The following MEI4 variants were observed in gnomAD, a reference collection of about 807,000 sequenced individuals.
MEI4 encodes the protein meiotic double-stranded break formation protein 4.
MEI4 carries 27 observed loss-of-function variants against 31.4 expected under a neutral mutation model. That is an observed-to-expected ratio of 0.86 (90% CI 0.63 to 1.19). The LOEUF is 1.19. Among genes scored for constraint, MEI4 ranks in the 50% most tolerant of loss-of-function variants. The pLI, the probability that MEI4 is intolerant of heterozygous loss-of-function variation, is 0.00. For missense variants in MEI4, 329 were observed against 398.9 expected (o/e 0.82, Z 1.49); for synonymous variants, 122 against 145.4 (o/e 0.84, Z 1.16).
At chr6:77,922,890 A>T (rs1285028383) in intron 4 of MEI4, among the ~76,000 whole-genome samples, 199 bp from the exon 5 acceptor site, 1 of 151,756 alleles carries the variant, frequency 6.6e-6, no homozygotes, top group Non-Finnish European at 1.5e-5. Flanking sequence ...AAGAAAGAAA[A>T]GTCATTCACC....
Position 77,736,490 on chromosome 6 carries a change from G to A in MEI4, c.233-24640G>A, listed in dbSNP as rs564188468. Among the ~76,000 whole-genome samples the A allele has an allele frequency of 1.4e-4, 22 of 152,122 alleles. 1 individual carries two copies. The East Asian group carries it at 3.7e-3, about 26-fold the overall frequency. On this transcript the variant is annotated intron_variant, in intron 2 of 4. Transcript: ENST00000684080. ...GTGAGGCAATGCCTCGCCCTGCTTC[G>A]GCTTGCGAACGGTGCGCGCACACAC...
chr6:77,890,536 T>C (rs1771735063), intron 4 of MEI4, among the ~76,000 whole-genome samples: 1 of 152,194 alleles, frequency 6.6e-6, no homozygotes, highest in African/African-American at 2.4e-5. Context: ...GTGACTTGCC[T>C]TGTCTCAGAT....
chr6:77,816,389 G>T (rs57849304), intron 3 of MEI4, among the ~76,000 whole-genome samples: 2,636 of 152,210 alleles, frequency 0.017, 81 homozygotes, highest in African/African-American at 0.06. Flanking sequence ...TTAAAAAGTT[G>T]ATCAAGTTAA....
rs1562001541 is a variant in MEI4 at position 77,820,164 on chromosome 6, TTAAAA to T, written c.769-8762_769-8758del. Among the ~76,000 whole-genome samples, 1 of 152,272 alleles carries T rather than the reference TTAAAA, an allele frequency of 6.6e-6. No homozygotes were observed. Among genetic ancestry groups the T allele is most frequent in the South Asian group, 2.1e-4 (1 of 4,826 alleles). On this transcript the variant is annotated intron_variant, in intron 3 of 4. Transcript: ENST00000684080. The surrounding 1 kb of genome is among the most constrained non-coding windows in gnomAD (Gnocchi z 4.5). ...ATATAAAAGTAAGTATTTTAAAACT[TTAAAA>T]TAAATAGACATAAGAAAAGGGAAAC... is the stretch of plus-strand genomic sequence containing the variant.
intron 4 of MEI4, among the ~76,000 whole-genome samples, chr6:77,918,547 A>C (rs1439960312): frequency 6.8e-6 from 1 of 146,866 alleles, no homozygotes; most frequent in African/African-American, 2.5e-5. Flanking sequence ...ATGGGAGTTC[A>C]CTCATGATTT....
intron 4 of MEI4, among the ~76,000 whole-genome samples, chr6:77,917,811 C>T (rs878881417): frequency 1.3e-5 from 2 of 150,632 alleles, no homozygotes; most frequent in Non-Finnish European, 2.9e-5. Context: ...CTTGCCATTG[C>T]TTTTGGTGTT....
intron 3 of MEI4, among the ~76,000 whole-genome samples, chr6:77,769,277 C>T (rs1392281305): frequency 2.6e-5 from 4 of 152,170 alleles, no homozygotes; most frequent in Non-Finnish European, 5.9e-5. Context: ...GGGGGCAGAA[C>T]TCAGCTTGTG....
intron 1 of MEI4, among the ~76,000 whole-genome samples, chr6:77,663,498 G>A (rs1018046270): frequency 2.1e-4 from 32 of 152,172 alleles, no homozygotes; most frequent in African/African-American, 7.2e-4. Flanking sequence ...AGTCAGGGAA[G>A]CAGATAATTT....
chr6:77,909,773 C>A (rs1766388703), intron 4 of MEI4, among the ~76,000 whole-genome samples: 1 of 152,126 alleles, frequency 6.6e-6, no homozygotes, highest in Non-Finnish European at 1.5e-5. Context: ...AATTTTAGAC[C>A]AATATCCCTG....
intron 4 of MEI4, among the ~76,000 whole-genome samples, chr6:77,843,452 T>G (rs1404609370): frequency 1.3e-5 from 2 of 151,844 alleles, no homozygotes; most frequent in Non-Finnish European, 2.9e-5. Flanking sequence ...TAAATTACTC[T>G]TTCACAGTTT....
Position 77,665,362 on chromosome 6 carries a change from C to T in MEI4, c.-15+12270C>T, listed in dbSNP as rs182041951. Among the ~76,000 whole-genome samples the T allele has an allele frequency of 1.9e-3, 290 of 151,606 alleles. 1 individual carries two copies. The highest frequency in any genetic ancestry group is 3.2e-3 in the Non-Finnish European group (214 of 67,884). On this transcript the variant is annotated intron_variant, in intron 1 of 4. Coordinates refer to ENST00000684080, the MANE Select transcript of MEI4 (RefSeq NM_001322247.2). ...GGTACTTGCCCCTCCCCCAGAAAAG[C>T]GGGACTTGCCGCTAAGGGTGAAGGA...
chr6:77,869,850 T>C (rs1173119693), intron 4 of MEI4, among the ~76,000 whole-genome samples: 1 of 152,112 alleles, frequency 6.6e-6, no homozygotes, highest in Non-Finnish European at 1.5e-5. Context: ...TTGGGATAAA[T>C]ATTTGGTGAA....
chr6:77,685,084 G>A (rs1769029664), intron 1 of MEI4, among the ~76,000 whole-genome samples: 1 of 152,092 alleles, frequency 6.6e-6, no homozygotes, highest in Admixed American at 6.5e-5. Context: ...GTTTTGATTT[G>A]CGTTTCTCTG....
chr6:77,879,661 C>A (rs532529960), intron 4 of MEI4, among the ~76,000 whole-genome samples: 12 of 152,286 alleles, frequency 7.9e-5, no homozygotes, highest in Non-Finnish European at 1.5e-4. Context: ...AAAAGTGTCC[C>A]TGAGAGCAGT....
chr6:77,813,492 T>G (rs1373334353), intron 3 of MEI4, among the ~76,000 whole-genome samples: 1 of 144,614 alleles, frequency 6.9e-6, no homozygotes, highest in African/African-American at 2.7e-5. Context: ...AATCTCTTCT[T>G]CAGGACATTC....
intron 4 of MEI4, among the ~76,000 whole-genome samples, chr6:77,838,998 G>A (rs913179727): frequency 2.0e-5 from 3 of 151,808 alleles, no homozygotes; most frequent in Non-Finnish European, 4.4e-5. Flanking sequence ...AAAAAACTGC[G>A]GAATACGTTT....
At chr6:77,808,045 A>T (rs1769483306) in intron 3 of MEI4, among the ~76,000 whole-genome samples, 1 of 152,174 alleles carries the variant, frequency 6.6e-6, no homozygotes. Flanking sequence ...GACACCTTAT[A>T]CATAGAGTAA....
intron 4 of MEI4, among the ~76,000 whole-genome samples, chr6:77,910,586 T>C (rs1002484046): frequency 2.0e-5 from 3 of 152,082 alleles, no homozygotes; most frequent in Admixed American, 2.0e-4. Context: ...CATTCCACGC[T>C]CATGGGTAGG....
At chr6:77,737,762 T>C (rs1300160779) in intron 2 of MEI4, among the ~76,000 whole-genome samples, 1 of 152,148 alleles carries the variant, frequency 6.6e-6, no homozygotes, top group Non-Finnish European at 1.5e-5. Flanking sequence ...AGGATCAATA[T>C]CATCTGTCAA....
Sources: gnomAD v4.1 joint callset for allele counts (sites outside exome capture counted in the v4.1 genomes callset) on GRCh38, gnomAD v4.1.1 for gene constraint, Gnocchi (gnomAD v3.1) non-coding constraint, MANE v1.5 for transcripts, NCBI Gene and HGNC (gene_info 2026-07-23, HGNC 2026-07-21) for gene names.